The following CTNNA3 variants were observed in gnomAD, a reference collection of about 807,000 sequenced individuals.
The protein encoded by CTNNA3 is catenin alpha 3.
In CTNNA3, 76 loss-of-function variants were observed where a neutral mutation model predicts 95.7. The observed-to-expected ratio is 0.79, with a 90% CI of 0.66 to 0.96. CTNNA3 has a LOEUF of 0.96. Among genes scored for constraint, CTNNA3 ranks in the 40% least tolerant of loss-of-function variants. The pLI, the probability that CTNNA3 is intolerant of heterozygous loss-of-function variation, is 0.00. For missense variants in CTNNA3, 1,191 were observed against 1,089.8 expected (o/e 1.09, Z -1.31); for synonymous variants, 431 against 374.4 (o/e 1.15, Z -1.74).
At chr10:66,803,960 GT>G (rs199784517) in intron 7 of CTNNA3, among the ~76,000 whole-genome samples, 2,139 of 134,686 alleles carry the variant, frequency 0.016, 9 homozygotes, top group East Asian at 0.028. Flanking sequence ...GATGCCAGTT[GT>G]TTTTTTTTTT....
intron 4 of CTNNA3, among the ~76,000 whole-genome samples, chr10:67,528,935 C>A (rs143686207): frequency 0.028 from 4,260 of 152,158 alleles, 81 homozygotes; most frequent in South Asian, 0.1. Context: ...GAGGAATAAT[C>A]TCAAGAGATC....
At chr10:66,026,692 A>C (rs569632861) in intron 15 of CTNNA3, among the ~76,000 whole-genome samples, 1 of 152,162 alleles carries the variant, frequency 6.6e-6, no homozygotes, top group Non-Finnish European at 1.5e-5. Flanking sequence ...TTGTTGTTCC[A>C]TCTGGGTCAT....
intron 7 of CTNNA3, among the ~76,000 whole-genome samples, chr10:66,963,912 G>C (rs556250639): frequency 2.0e-5 from 3 of 151,424 alleles, no homozygotes; most frequent in African/African-American, 4.9e-5. Flanking sequence ...GCGCAATCTC[G>C]GTTCACTGAA....
chr10:66,279,924 G>A (rs1049471955), intron 13 of CTNNA3, among the ~76,000 whole-genome samples: 3 of 151,938 alleles, frequency 2.0e-5, no homozygotes, highest in Non-Finnish European at 4.4e-5. Context: ...GTGCTCTCAC[G>A]CCTGGGAAGG....
chr10:67,502,365 C>T (rs1839261036), intron 5 of CTNNA3, among the ~76,000 whole-genome samples: 1 of 152,148 alleles, frequency 6.6e-6, no homozygotes, highest in African/African-American at 2.4e-5. Context: ...GGGGCACCTG[C>T]CAGATGCCAG....
At chr10:67,726,118 A>C (rs186023559) in intron 1 of CTNNA3, among the ~76,000 whole-genome samples, 1,626 of 113,608 alleles carry the variant, frequency 0.014, 48 homozygotes, top group African/African-American at 0.055. Flanking sequence ...ATTATATATT[A>C]TTATATTAGA....
chr10:66,068,828 G>A (rs913051902), intron 15 of CTNNA3, among the ~76,000 whole-genome samples: 11 of 152,178 alleles, frequency 7.2e-5, no homozygotes, highest in Middle Eastern at 3.4e-3. Context: ...TGCCCACAAT[G>A]TACATTTTTT....
chr10:66,136,228 T>C (rs548724883), intron 13 of CTNNA3, among the ~76,000 whole-genome samples: 14 of 152,198 alleles, frequency 9.2e-5, no homozygotes, highest in Non-Finnish European at 1.6e-4. Context: ...AAATAACATA[T>C]AATACTCTTT....
chr10:67,758,554 G>GC (rs1163387443), intron 1 of CTNNA3, among the ~76,000 whole-genome samples: 1 of 151,774 alleles, frequency 6.6e-6, no homozygotes, highest in African/African-American at 2.4e-5. Flanking sequence ...ATCTAGTTGT[G>GC]CCCCAATTAT....
intron 3 of CTNNA3, among the ~76,000 whole-genome samples, chr10:67,568,344 T>C (rs773696409): frequency 1.3e-5 from 2 of 151,852 alleles, no homozygotes; most frequent in African/African-American, 2.4e-5. Context: ...ATCCTGGAAG[T>C]GTACTTAATC....
At position 66,965,154 on chromosome 10, in the gene CTNNA3, C is replaced by T. The variant is rs903190604; in HGVS notation, c.1048-189630G>A. 4.6e-5 allele frequency among the ~76,000 whole-genome samples: 7 copies of T among 152,060 alleles called. 1 individual carries two copies. Among genetic ancestry groups the T allele is most frequent in the African/African-American group, 9.7e-5 (4 of 41,392 alleles). ...ATGCCAAAAAGACAGCTGGGAGCCACGGTGGAAGGCAGACAATGCCCTGGA... is the reference window on the plus strand; with the variant it reads ...ATGCCAAAAAGACAGCTGGGAGCCATGGTGGAAGGCAGACAATGCCCTGGA... On this transcript the variant is annotated intron_variant, in intron 7 of 17. Coordinates refer to ENST00000433211, the MANE Select transcript of CTNNA3 (RefSeq NM_013266.4).
rs1249875040 is a variant in CTNNA3 at position 66,343,464 on chromosome 10, T to C, written c.1732+35688A>G. 2.0e-5 allele frequency among the ~76,000 whole-genome samples: 3 copies of C among 151,488 alleles called. 1 individual carries two copies. The highest frequency in any genetic ancestry group is 4.4e-5 in the Non-Finnish European group (3 of 67,850). On this transcript the variant is annotated intron_variant, in intron 12 of 17. Coordinates refer to ENST00000433211, the MANE Select transcript of CTNNA3 (RefSeq NM_013266.4). ...GATTAGGACATTATGTTGCGTGAAA[T>C]AAGCCAAGAACAAAAAGTTAAACAC...
intron 14 of CTNNA3, among the ~76,000 whole-genome samples, chr10:66,093,226 G>T (rs1385028621): frequency 2.0e-5 from 3 of 151,936 alleles, no homozygotes. Flanking sequence ...TAAAATTAAA[G>T]AAATGACACT....
At chr10:66,855,627 T>C (rs569038053) in intron 7 of CTNNA3, among the ~76,000 whole-genome samples, 3 of 152,066 alleles carry the variant, frequency 2.0e-5, no homozygotes, top group African/African-American at 4.8e-5. Flanking sequence ...ACTCATATTA[T>C]TACCATTCCC....
At chr10:66,817,162 C>A (rs1312814143) in intron 7 of CTNNA3, among the ~76,000 whole-genome samples, 1 of 151,762 alleles carries the variant, frequency 6.6e-6, no homozygotes, top group Non-Finnish European at 1.5e-5. Flanking sequence ...CAGAAATCAC[C>A]ACGAAAGAAC....
rs1211272393 is a variant in CTNNA3 at position 66,609,245 on chromosome 10, G to A, written c.1374+12447C>T. On this transcript the variant is annotated intron_variant, in intron 10 of 17. Transcript: ENST00000433211. ...AGGCTAAATTTTTTTTGTATTTTTA[G>A]TAGAGATGAAGTTTCACCATTTGGC... Among the ~76,000 whole-genome samples the A allele has an allele frequency of 2.0e-5, 3 of 150,762 alleles. No individual in the cohort carries two copies. In the Admixed American group the frequency reaches 2.0e-4, roughly 10 times the overall value.
chr10:66,480,345 A>G (rs1839476631), intron 11 of CTNNA3, among the ~76,000 whole-genome samples: 1 of 151,646 alleles, frequency 6.6e-6, no homozygotes, highest in Non-Finnish European at 1.5e-5. Flanking sequence ...TATGAAAAGA[A>G]GTAAAATTAT....
chr10:67,137,431 T>C (rs1430977347), intron 7 of CTNNA3, among the ~76,000 whole-genome samples: 2 of 152,204 alleles, frequency 1.3e-5, no homozygotes, highest in Non-Finnish European at 2.9e-5. Context: ...CTTGGAAGCA[T>C]GATTTGTCAT....
Position 67,235,341 on chromosome 10 carries a change from A to G in CTNNA3, c.580-15471T>C, listed in dbSNP as rs867903764. Among the ~76,000 whole-genome samples, 1,449 of 151,872 alleles carry G rather than the reference A, an allele frequency of 9.5e-3. 10 individuals carry two copies. Among genetic ancestry groups the G allele is most frequent in the African/African-American group, 0.022 (915 of 41,320 alleles). ...ATATAGATCAATGGAACAGAACAGA[A>G]CCCTCAGAAATAATGCCACATATCT... is the stretch of plus-strand genomic sequence containing the variant. On this transcript the variant is annotated intron_variant, in intron 5 of 17. Coordinates refer to ENST00000433211, the MANE Select transcript of CTNNA3 (RefSeq NM_013266.4).
Sources: gnomAD v4.1 joint callset for allele counts (sites outside exome capture counted in the v4.1 genomes callset) on GRCh38, gnomAD v4.1.1 for gene constraint, MANE v1.5 for transcripts, NCBI Gene and HGNC (gene_info 2026-07-23, HGNC 2026-07-21) for gene names.